Variants in REELD1 observed in about 807,000 individuals in gnomAD.
REELD1 encodes reelin domain-containing protein 1.
In REELD1, 12 loss-of-function variants were observed where a neutral mutation model predicts 6.3. The observed-to-expected ratio is 1.89, with a 90% CI of 1.21 to 3.07. The LOEUF (loss-of-function observed/expected upper bound fraction) is 3.07. Among genes scored for constraint, REELD1 ranks in the 30% most tolerant of loss-of-function variants. The probability of loss-of-function intolerance (pLI) is 0.00; values close to 1 mark genes in which losing one functional copy is unlikely to be tolerated. For missense variants in REELD1, 163 were observed against 86.8 expected, an observed-to-expected ratio of 1.88 and a Z score of -3.49; for synonymous variants, 57 against 33.6, an observed-to-expected ratio of 1.70 and a Z score of -2.42.
At chr4:146,221,699 A>G (rs1251622223) in intron 3 of REELD1, among the ~76,000 whole-genome samples, 1 of 152,124 alleles carries the variant, frequency 6.6e-6, no homozygotes, top group Non-Finnish European at 1.5e-5. Flanking sequence ...TCTCTACTGA[A>G]AATACAAAAA....
chr4:146,217,017 C>T lies in REELD1; in HGVS notation c.65C>T (p.Ser22Phe), dbSNP rs1578695997. The change falls in exon 3 of 8, where the codon TCT becomes TTT. Residue 22 changes from serine (S) to phenylalanine (F), a missense_variant. By Grantham distance (155) the Ser-to-Phe change is radical. Transcript: ENST00000623665. The part of the protein sequence containing the change: ...CTTLCLASCS[S>F]AFSHGASTVA... Reference sequence around the variant, plus strand: ...ACCCTCTGCCTGGCTTCCTGCTCATCTGCCTTTTCCCATGGTGCCAGCACG... The same window carrying T: ...ACCCTCTGCCTGGCTTCCTGCTCATTTGCCTTTTCCCATGGTGCCAGCACG... 7 of 398,926 alleles carry T rather than the reference C, an allele frequency of 1.8e-5. No individual in the cohort carries two copies. The East Asian group carries it at 2.5e-4, about 14-fold the overall frequency. 24.7% of individuals were successfully genotyped at this position (398,926 alleles called of 1,614,324 possible). A position where few individuals can be genotyped will look rare whatever the true frequency, so the allele number is the denominator to read the frequency against.
chr4:146,220,735 G>C (rs971051571), intron 3 of REELD1, among the ~76,000 whole-genome samples: 17 of 152,204 alleles, frequency 1.1e-4, no homozygotes, highest in African/African-American at 3.4e-4. Context: ...GGCCTCATTG[G>C]CCAGAATTCT....
chr4:146,224,925 T>A (rs920348630), intron 5 of REELD1, among the ~76,000 whole-genome samples: 1 of 152,158 alleles, frequency 6.6e-6, no homozygotes, highest in Non-Finnish European at 1.5e-5. Flanking sequence ...CCCCCAACAT[T>A]TACTAGTCCT....
intron 6 of REELD1, among the ~76,000 whole-genome samples, 164 bp from the exon 7 acceptor site, chr4:146,228,861 C>G (rs1238484901): frequency 6.6e-6 from 1 of 152,164 alleles, no homozygotes; most frequent in African/African-American, 2.4e-5. Context: ...TGCCACCATT[C>G]TCACTCATCT....
At chr4:146,224,715 A>T (rs533972268) in intron 5 of REELD1, 107 bp downstream of exon 5, 1 of 656,020 alleles carries the variant, frequency 1.5e-6, no homozygotes, top group East Asian at 2.8e-5. Flanking sequence ...CTGCAAAACA[A>T]GCAATAAACA....
chr4:146,229,228 T>C (rs948469461), intron 7 of REELD1, 140 bp downstream of exon 7: 3 of 591,622 alleles, frequency 5.1e-6, no homozygotes, highest in Non-Finnish European at 9.1e-6. Context: ...ACACACAGTG[T>C]CTTTCTACTA....
At chr4:146,221,915 T>C (rs1224501621) in intron 3 of REELD1, among the ~76,000 whole-genome samples, 1 of 152,234 alleles carries the variant, frequency 6.6e-6, no homozygotes, top group African/African-American at 2.4e-5. Context: ...TTTCATTATT[T>C]TGAGGCAGTC....
chr4:146,223,500 C>T (rs17021253), intron 4 of REELD1, among the ~76,000 whole-genome samples: 15,041 of 152,266 alleles, frequency 0.099, 1,881 homozygotes, highest in African/African-American at 0.29. Context: ...TTGGTTCTTA[C>T]GCAGCGCAGA....
intron 3 of REELD1, among the ~76,000 whole-genome samples, chr4:146,220,282 A>G (rs1049635769): frequency 2.6e-5 from 4 of 152,134 alleles, no homozygotes; most frequent in African/African-American, 9.7e-5. Flanking sequence ...ATGACAGTCC[A>G]TTGTCTAGAG....
In REELD1 at chr4:146,215,651, A is replaced by ATTTTTTT. The variant is rs3029290; in HGVS notation, c.-12+466_-12+472dup. Reference sequence around the variant, plus strand: ...AAACCAGCTGACTACAGGGGAGGGCATTTTTTTTTTTTTTTTTTTGCCTTG... The same window carrying ATTTTTTT: ...AAACCAGCTGACTACAGGGGAGGGCATTTTTTTTTTTTTTTTTTTTTTTTTTGCCTTG... On this transcript the variant is annotated intron_variant, in intron 2 of 7. Coordinates refer to ENST00000623665, the MANE Select transcript of REELD1 (RefSeq NM_001354631.1). Among the ~76,000 whole-genome samples, 423 of 86,644 alleles carry ATTTTTTT rather than the reference A, an allele frequency of 4.9e-3. 22 individuals are homozygous for ATTTTTTT. The highest frequency in any genetic ancestry group is 0.018 in the African/African-American group (407 of 22,294). 56.8% of individuals were successfully genotyped at this position (86,644 alleles called of 152,430 possible).
At chr4:146,219,049 G>A (rs1730875478) in intron 3 of REELD1, among the ~76,000 whole-genome samples, 1 of 152,162 alleles carries the variant, frequency 6.6e-6, no homozygotes, top group Non-Finnish European at 1.5e-5. Flanking sequence ...CTACACTGGA[G>A]GCTGAGGTGG....
chr4:146,229,279 C>T (rs938371923), intron 7 of REELD1, among the ~76,000 whole-genome samples, 191 bp downstream of exon 7: 8 of 152,162 alleles, frequency 5.3e-5, no homozygotes, highest in African/African-American at 9.7e-5. Context: ...CTGAAGTGAT[C>T]GGCAATTGTA....
intron 7 of REELD1, 54 bp downstream of exon 7, chr4:146,229,142 G>T (rs989283440): frequency 1.4e-6 from 1 of 697,584 alleles, no homozygotes; most frequent in African/African-American, 1.8e-5. Flanking sequence ...ATCCTAGAAT[G>T]GTCAGTTTCA....
At chr4:146,227,175 CAATA>C (rs1218409526) in intron 5 of REELD1, among the ~76,000 whole-genome samples, 3,924 of 152,338 alleles carry the variant, frequency 0.026, 182 homozygotes, top group African/African-American at 0.09. Context: ...ACAACTATAA[CAATA>C]CCCAGCACAC....
At position 146,225,372 on chromosome 4, in the gene REELD1, C is replaced by T. The variant is rs17021258; in HGVS notation, c.595+764C>T. Among the ~76,000 whole-genome samples the T allele has an allele frequency of 3.5e-3, 527 of 152,316 alleles. 3 individuals carry two copies. Among genetic ancestry groups the T allele is most frequent in the African/African-American group, 0.012 (508 of 41,558 alleles). On this transcript the variant is annotated intron_variant, in intron 5 of 7. Coordinates refer to ENST00000623665, the MANE Select transcript of REELD1 (RefSeq NM_001354631.1). ...ACCCTACCCTTAATCCATTCATTCT[C>T]CTCTTCGCTTATTCTTTCCTTTACT...
chr4:146,215,912 A>C (rs1313119198), intron 2 of REELD1, among the ~76,000 whole-genome samples: 1 of 152,114 alleles, frequency 6.6e-6, no homozygotes, highest in East Asian at 1.9e-4. Flanking sequence ...CACCACACCC[A>C]GCTAATTTTT....
Position 146,228,450 on chromosome 4 carries a change from G to A in REELD1, c.836G>A (p.Arg279Lys). The A allele has an allele frequency of 1.4e-6, 1 of 702,588 alleles. No individual in the cohort carries two copies. The highest frequency in any genetic ancestry group is 1.5e-5 in the South Asian group (1 of 67,600). 43.5% of individuals were successfully genotyped at this position (702,588 alleles called of 1,614,324 possible). The change falls in exon 6 of 8, where the codon AGG becomes AAG. Residue 279 changes from arginine (R) to lysine (K), a missense_variant. By Grantham distance (26) the Arg-to-Lys change is conservative (BLOSUM62 2). Coordinates refer to ENST00000623665, the MANE Select transcript of REELD1 (RefSeq NM_001354631.1). The part of the protein sequence containing the change: ...PTLEPSLEVH[R>K]LERLVALKRV... ...CTAGAGCCGTCCCTGGAGGTCCACA[G>A]GCTGGAGAGGCTCGTGGCCCTCAAG...
chr4:146,228,099 T>C (rs1731056674), intron 5 of REELD1, 111 bp from the exon 6 acceptor site: 3 of 628,162 alleles, frequency 4.8e-6, no homozygotes, highest in African/African-American at 1.8e-5. Flanking sequence ...TGGTCTCTCC[T>C]TGAGGCATAT....
intron 5 of REELD1, among the ~76,000 whole-genome samples, chr4:146,225,736 T>C (rs1392040870): frequency 3.3e-5 from 5 of 152,216 alleles, no homozygotes; most frequent in Non-Finnish European, 7.3e-5. Context: ...TGAATAAAAG[T>C]GAAGCTTCAG....
Sources: gnomAD v4.1 joint callset for allele counts (sites outside exome capture counted in the v4.1 genomes callset) on GRCh38, gnomAD v4.1.1 for gene constraint, MANE v1.5 for transcripts, NCBI Gene and HGNC (gene_info 2026-07-23, HGNC 2026-07-21) for gene names.